The following ATP6V1A variants were observed in gnomAD, a reference collection of about 807,000 sequenced individuals.
ATP6V1A encodes the protein V-type proton ATPase catalytic subunit A.
In ATP6V1A, 18 loss-of-function variants were observed where a neutral mutation model predicts 70.1. The observed-to-expected ratio is 0.26, with a 90% CI of 0.18 to 0.38. The LOEUF is 0.38. Among genes scored for constraint, ATP6V1A ranks in the 10% least tolerant of loss-of-function variants. The probability of loss-of-function intolerance (pLI) is 1.00; values close to 1 mark genes in which losing one functional copy is unlikely to be tolerated. For synonymous variants in ATP6V1A, 232 were observed against 253.8 expected (o/e 0.91, Z 0.82); for missense variants, 424 against 772.4 (o/e 0.55, Z 5.35).
intron 1 of ATP6V1A, among the ~76,000 whole-genome samples, chr3:113,749,917 A>G (rs1315490893): frequency 1.3e-5 from 2 of 152,238 alleles, no homozygotes; most frequent in African/African-American, 4.8e-5. Context: ...GATGGACTTT[A>G]TTAATGCTGA....
chr3:113,761,471 T>C (rs1208405963), intron 1 of ATP6V1A, among the ~76,000 whole-genome samples: 1 of 152,092 alleles, frequency 6.6e-6, no homozygotes, highest in Non-Finnish European at 1.5e-5. Context: ...GCTTGGTGGC[T>C]CGCACGTGTT....
In ATP6V1A at chr3:113,798,924, C is replaced by T. The variant is rs112126575; in HGVS notation, c.1494+478C>T. Among the ~76,000 whole-genome samples, 1,485 of 152,280 alleles carry T rather than the reference C, an allele frequency of 9.8e-3. 19 individuals carry two copies. Among genetic ancestry groups the T allele is most frequent in the African/African-American group, 0.033 (1,385 of 41,582 alleles). On this transcript the variant is annotated intron_variant, in intron 12 of 14. Transcript: ENST00000273398. ...ATAGTATGCAATGCTAGTTAGTACT[C>T]AGAGTTCTTTGTCTGGTTTTGTTCT... is the stretch of plus-strand genomic sequence containing the variant.
intron 1 of ATP6V1A, among the ~76,000 whole-genome samples, chr3:113,760,512 A>G (rs1347227145): frequency 6.6e-6 from 1 of 151,816 alleles, no homozygotes; most frequent in Non-Finnish European, 1.5e-5. Context: ...GCGGATCACA[A>G]AATCAAGAGA....
At chr3:113,776,435 A>G (rs189302018) in intron 1 of ATP6V1A, among the ~76,000 whole-genome samples, 24 of 152,272 alleles carry the variant, frequency 1.6e-4, no homozygotes, top group Admixed American at 9.8e-4. Context: ...ATTGGTGTAC[A>G]CTTCTGCAAG....
intron 3 of ATP6V1A, among the ~76,000 whole-genome samples, chr3:113,782,538 C>CTA (rs1234503713): frequency 1.0e-4 from 15 of 144,766 alleles, no homozygotes; most frequent in African/African-American, 3.9e-4. Flanking sequence ...CTCTCTCTCT[C>CTA]TCTCTATATA....
chr3:113,805,633 A>G (rs1459417535), intron 14 of ATP6V1A, 108 bp downstream of exon 14: 14 of 1,115,956 alleles, frequency 1.3e-5, no homozygotes, highest in Admixed American at 2.7e-5. Context: ...CAGTGGCATG[A>G]TCTTGTCTCA....
intron 1 of ATP6V1A, among the ~76,000 whole-genome samples, chr3:113,752,343 G>A (rs1024444741): frequency 1.3e-4 from 19 of 151,682 alleles, no homozygotes; most frequent in African/African-American, 4.4e-4. Context: ...TGAAAAAAGA[G>A]CATATGTATA....
Position 113,778,770 on chromosome 3 carries a change from T to C in ATP6V1A, c.17T>C (p.Leu6Pro). 6.3e-7 allele frequency: 1 copy of C among 1,589,658 alleles called. No individual in the cohort carries two copies. The highest frequency in any genetic ancestry group is 8.6e-7 in the Non-Finnish European group (1 of 1,169,142). Reference sequence around the variant, plus strand: ...ACTAACATTATGGATTTTTCCAAGCTACCCAAAATACTCGATGAAGATAAA... The same window carrying C: ...ACTAACATTATGGATTTTTCCAAGCCACCCAAAATACTCGATGAAGATAAA... MDFSK[L>P]PKILDEDKES... The change falls in exon 2 of 15, where the codon CTA becomes CCA. Residue 6 changes from leucine (L) to proline (P), a missense_variant. Physicochemically the swap from Leu to Pro is moderately conservative, Grantham distance 98. Around this residue, in one of 9 missense-constraint regions of ATP6V1A, gnomAD observed 21 missense variants for 20.4 expected, o/e 1.03. Transcript: ENST00000273398.
At chr3:113,753,841 G>A (rs1225405984) in intron 1 of ATP6V1A, among the ~76,000 whole-genome samples, 1 of 151,806 alleles carries the variant, frequency 6.6e-6, no homozygotes, top group Non-Finnish European at 1.5e-5. Context: ...GGCTACAGGT[G>A]TGCACCACCA....
At chr3:113,749,702 T>C (rs1708563971) in intron 1 of ATP6V1A, among the ~76,000 whole-genome samples, 1 of 152,206 alleles carries the variant, frequency 6.6e-6, no homozygotes, top group Admixed American at 6.5e-5. Flanking sequence ...TATTGTGTCT[T>C]CAGCACCAGA....
At chr3:113,778,666 G>A in intron 1 of ATP6V1A, 75 bp from the exon 2 acceptor site, 3 of 717,756 alleles carry the variant, frequency 4.2e-6, no homozygotes, top group Non-Finnish European at 6.4e-6. Context: ...TCTCATCTTA[G>A]TGGACTACCT....
chr3:113,792,332 CTTTGCATGTTTT>C (rs1709104886), intron 8 of ATP6V1A, among the ~76,000 whole-genome samples: 1 of 151,878 alleles, frequency 6.6e-6, no homozygotes, highest in South Asian at 2.1e-4. Context: ...ATGCATGTTT[CTTTGCATGTTTT>C]TTTTTTCCTT....
intron 8 of ATP6V1A, among the ~76,000 whole-genome samples, chr3:113,792,544 G>C (rs1317101771): frequency 6.6e-6 from 1 of 152,102 alleles, no homozygotes; most frequent in East Asian, 1.9e-4. Context: ...TCACTATGTT[G>C]CCCAGGATGG....
rs1709160357 is a variant in ATP6V1A, at chr3:113,797,118, A to G, written c.1291-1125A>G. Among the ~76,000 whole-genome samples, 4 of 151,880 alleles carry G rather than the reference A, an allele frequency of 2.6e-5. No individual in the cohort carries two copies. The South Asian group carries it at 8.3e-4, about 32-fold the overall frequency. ...ACCTGGCTAATTTTTTGTGTTTTTAATAGAGACAATATTTCACTATGTTGG... is the reference window on the plus strand; with the variant it reads ...ACCTGGCTAATTTTTTGTGTTTTTAGTAGAGACAATATTTCACTATGTTGG... On this transcript the variant is annotated intron_variant, in intron 11 of 14. Coordinates refer to ENST00000273398, the MANE Select transcript of ATP6V1A (RefSeq NM_001690.4).
chr3:113,810,896 A>G lies in ATP6V1A; in HGVS notation c.*1469A>G, dbSNP rs1709334962. 6.6e-6 allele frequency: 1 copy of G among 152,248 alleles called. No homozygotes were observed. The highest frequency in any genetic ancestry group is 2.4e-5 in the African/African-American group (1 of 41,460). The allele number at this position is 152,248 out of a possible 1,614,324, so 9.4% of individuals were successfully genotyped here. On this transcript the variant is annotated 3_prime_UTR_variant, in exon 15 of 15. Transcript: ENST00000273398. ...ACTGGCTTAAGAGGTTTCTCAGAATATCTATGGCCACAGCAGCATACCAGT... is the reference window on the plus strand; with the variant it reads ...ACTGGCTTAAGAGGTTTCTCAGAATGTCTATGGCCACAGCAGCATACCAGT...
chr3:113,786,117 C>T, intron 5 of ATP6V1A, 115 bp from the exon 6 acceptor site: 1 of 784,034 alleles, frequency 1.3e-6, no homozygotes, highest in Non-Finnish European at 1.8e-6. Context: ...ATAAATCTCC[C>T]TTTGCACTTA....
At chr3:113,764,346 A>G (rs562964335) in intron 1 of ATP6V1A, among the ~76,000 whole-genome samples, 3 of 152,228 alleles carry the variant, frequency 2.0e-5, no homozygotes, top group Non-Finnish European at 4.4e-5. Flanking sequence ...TATGGTATCT[A>G]TTTAATGGAA....
At chr3:113,764,794 C>T (rs780339844) in intron 1 of ATP6V1A, among the ~76,000 whole-genome samples, 5 of 151,862 alleles carry the variant, frequency 3.3e-5, no homozygotes, top group African/African-American at 1.2e-4. Context: ...AAATAAGGCC[C>T]GGCACAGTGG....
intron 2 of ATP6V1A, chr3:113,779,305 AG>A (rs1249060581): frequency 1.1e-4 from 17 of 152,204 alleles, no homozygotes; most frequent in African/African-American, 3.9e-4. Flanking sequence ...GGTTATTTTA[AG>A]TGTCACATTA....
Sources: gnomAD v4.1 joint callset for allele counts (sites outside exome capture counted in the v4.1 genomes callset) on GRCh38, gnomAD v4.1.1 for gene constraint, gnomAD v4.1.1 regional missense constraint, MANE v1.5 for transcripts, NCBI Gene and HGNC (gene_info 2026-07-23, HGNC 2026-07-21) for gene names.